SEC24B: variants seen among roughly 807,000 people sequenced by gnomAD.
The protein encoded by SEC24B is protein transport protein Sec24B.
SEC24B carries 45 observed loss-of-function variants against 142.8 expected under a neutral mutation model. The ratio of observed to expected loss-of-function variants is 0.32; its 90% confidence interval spans 0.25 to 0.40. SEC24B has a LOEUF of 0.40. Among genes scored for constraint, SEC24B ranks in the 10% least tolerant of loss-of-function variants. The probability of loss-of-function intolerance (pLI) is 1.00; values close to 1 mark genes in which losing one functional copy is unlikely to be tolerated. For missense variants in SEC24B, 1,409 were observed against 1,526.8 expected (o/e 0.92, Z 1.29); for synonymous variants, 574 against 568.2 (o/e 1.01, Z -0.15).
chr4:109,513,662 A>G (rs1247205363), intron 9 of SEC24B, 85 bp from the exon 10 acceptor site: 1 of 762,054 alleles, frequency 1.3e-6, no homozygotes, highest in Non-Finnish European at 2.3e-6. Flanking sequence ...GTAAATATTG[A>G]TAATAGATAT....
intron 10 of SEC24B, among the ~76,000 whole-genome samples, chr4:109,516,141 A>G (rs1366925928): frequency 2.6e-5 from 4 of 152,322 alleles, no homozygotes; most frequent in East Asian, 1.9e-4. Context: ...AGGTAAACCA[A>G]TAGCTGGTAC....
At chr4:109,463,709 A>T in intron 2 of SEC24B, 65 bp downstream of exon 2, 1 of 1,546,644 alleles carries the variant, frequency 6.5e-7, no homozygotes, top group Non-Finnish European at 8.7e-7. Context: ...TTAAGTTATT[A>T]TTTACATGAA....
chr4:109,526,410 C>T lies in SEC24B; in HGVS notation c.2965+11C>T. 6.3e-7 allele frequency: 1 copy of T among 1,590,838 alleles called. No homozygotes were observed. Among genetic ancestry groups the T allele is most frequent in the Non-Finnish European group, 8.6e-7 (1 of 1,163,360 alleles). Reference sequence around the variant, plus strand: ...ATACATCAAGCAAAGGTAATGTTAACAGAAATGAAATATAGTCTGCAGCAG... The same window carrying T: ...ATACATCAAGCAAAGGTAATGTTAATAGAAATGAAATATAGTCTGCAGCAG... On this transcript the variant is annotated intron_variant, in intron 17 of 23. Transcript: ENST00000265175.
intron 2 of SEC24B, among the ~76,000 whole-genome samples, chr4:109,469,382 G>C (rs1334621374): frequency 6.6e-6 from 1 of 152,126 alleles, no homozygotes; most frequent in South Asian, 2.1e-4. Context: ...CTAATGTTGG[G>C]AGATAAAATA....
chr4:109,451,432 C>T (rs1435830710), intron 1 of SEC24B, among the ~76,000 whole-genome samples: 2 of 151,680 alleles, frequency 1.3e-5, no homozygotes, highest in Non-Finnish European at 2.9e-5. Context: ...TGCCCTCAAG[C>T]AATCCTCCTA....
rs568938442 is a variant in SEC24B at position 109,456,325 on chromosome 4, G to A, written c.134-6576G>A. Among the ~76,000 whole-genome samples the A allele has an allele frequency of 9.9e-3, 909 of 92,222 alleles. 2 individuals carry two copies. The highest frequency in any genetic ancestry group is 0.016 in the Non-Finnish European group (717 of 44,582). The allele number at this position is 92,222 out of a possible 152,430, so 60.5% of individuals were successfully genotyped here. On this transcript the variant is annotated intron_variant, in intron 1 of 23. Coordinates refer to ENST00000265175, the MANE Select transcript of SEC24B (RefSeq NM_006323.5). ...CATGTCATTCTGCAAATAAAGACAG[G>A]TTTTTTTTGTTTTTTTTTTTTTTTT...
In SEC24B at chr4:109,516,584, A is replaced by G; in HGVS notation, c.2070A>G (p.Ala690=). 6.2e-7 allele frequency: 1 copy of G among 1,613,372 alleles called. No homozygotes were observed. Among genetic ancestry groups the G allele is most frequent in the Non-Finnish European group, 8.5e-7 (1 of 1,179,584 alleles). ...TTGTTTTAGATGTGTCTCATAATGC[A>G]GTGGAAGCTGGATATTTGACAATTT... ...YLFVLDVSHN[A]VEAGYLTILC... is the part of the protein sequence containing the mutation. Residue 690 remains alanine (A), a synonymous_variant, in exon 11 of 24, where the codon GCA becomes GCG. Coordinates refer to ENST00000265175, the MANE Select transcript of SEC24B (RefSeq NM_006323.5).
intron 8 of SEC24B, among the ~76,000 whole-genome samples, chr4:109,510,384 T>C (rs966006687): frequency 6.6e-6 from 1 of 152,170 alleles, no homozygotes; most frequent in Non-Finnish European, 1.5e-5. Context: ...ATAATTACAG[T>C]GCAGGATAAT....
At chr4:109,457,715 C>G (rs1204326365) in intron 1 of SEC24B, among the ~76,000 whole-genome samples, 1 of 152,232 alleles carries the variant, frequency 6.6e-6, no homozygotes, top group Non-Finnish European at 1.5e-5. Flanking sequence ...TCCTACTTGT[C>G]TCACTGTTGG....
chr4:109,538,145 T>C (rs1725760377), intron 22 of SEC24B, among the ~76,000 whole-genome samples: 1 of 152,222 alleles, frequency 6.6e-6, no homozygotes, highest in Admixed American at 6.5e-5. Flanking sequence ...AATTTGGAAT[T>C]TAATGGTATC....
intron 6 of SEC24B, among the ~76,000 whole-genome samples, chr4:109,505,868 T>C (rs1163996609): frequency 6.6e-6 from 1 of 152,168 alleles, no homozygotes; most frequent in African/African-American, 2.4e-5. Flanking sequence ...TGACTGTAAT[T>C]CATTACATCA....
chr4:109,496,952 G>T (rs1406931473), intron 6 of SEC24B, among the ~76,000 whole-genome samples: 1 of 152,226 alleles, frequency 6.6e-6, no homozygotes, highest in Non-Finnish European at 1.5e-5. Context: ...ATTGATTCTT[G>T]GGAGTGTTGA....
At chr4:109,536,998 C>T (rs1725622642) in intron 22 of SEC24B, among the ~76,000 whole-genome samples, 1 of 152,040 alleles carries the variant, frequency 6.6e-6, no homozygotes, top group Non-Finnish European at 1.5e-5. Context: ...ATCTGTAACT[C>T]ATAAGACTGA....
chr4:109,447,163 C>T (rs181460967), intron 1 of SEC24B, among the ~76,000 whole-genome samples: 267 of 152,132 alleles, frequency 1.8e-3, no homozygotes, highest in African/African-American at 6.1e-3. Context: ...GTTCCATATA[C>T]AGGGAAAAGC....
At position 109,536,705 on chromosome 4, in the gene SEC24B, A is replaced by G. The variant is rs1423775409; in HGVS notation, c.3589-1788A>G. On this transcript the variant is annotated intron_variant, in intron 22 of 23. Transcript: ENST00000265175. ...CCACCACGCCCAGCTAATTGTTTGT[A>G]TTTTTAGTAGAGATGGAGTTTCACT... is the stretch of plus-strand genomic sequence containing the variant. Among the ~76,000 whole-genome samples the G allele has an allele frequency of 3.3e-5, 5 of 151,870 alleles. No individual in the cohort carries two copies. In the East Asian group the frequency reaches 9.7e-4, roughly 29 times the overall value.
At chr4:109,482,979 T>TATATACACACACAC (rs781527364) in intron 4 of SEC24B, among the ~76,000 whole-genome samples, 1 of 26,414 alleles carries the variant, frequency 3.8e-5, no homozygotes, top group African/African-American at 1.2e-4. Flanking sequence ...TATATATATA[T>TATATACACACACAC]ACACACACAC....
intron 1 of SEC24B, chr4:109,449,512 G>A (rs943340598): frequency 2.2e-6 from 1 of 455,494 alleles, no homozygotes; most frequent in South Asian, 1.5e-5. Flanking sequence ...GAGTACAGGT[G>A]TGTGCCACTA....
At chr4:109,536,687 G>T (rs551309664) in intron 22 of SEC24B, among the ~76,000 whole-genome samples, 3 of 151,962 alleles carry the variant, frequency 2.0e-5, no homozygotes, top group Non-Finnish European at 2.9e-5. Context: ...CTGCCACCAC[G>T]CCCAGCTAAT....
chr4:109,520,577 G>T, intron 12 of SEC24B, 93 bp downstream of exon 12: 1 of 775,834 alleles, frequency 1.3e-6, no homozygotes. Context: ...ATGCTGTGAG[G>T]ATAATGTCAT....
Sources: allele counts gnomAD v4.1 joint callset (sites outside exome capture counted in the v4.1 genomes callset), GRCh38; gene constraint gnomAD v4.1.1; transcripts MANE v1.5; gene names NCBI Gene and HGNC (gene_info 2026-07-23, HGNC 2026-07-21).